The following PRDX4 variants were observed in gnomAD, a reference collection of about 807,000 sequenced individuals.
The protein encoded by PRDX4 is peroxiredoxin 4.
Under a neutral mutation model 20.5 loss-of-function variants are expected in PRDX4, and 12 were observed. The ratio of observed to expected loss-of-function variants is 0.58; its 90% CI spans 0.37 to 0.95. The LOEUF (loss-of-function observed/expected upper bound fraction) is 0.95, where lower values mean the gene tolerates loss of function less well. Ranked by LOEUF, PRDX4 falls within the 40% of genes least tolerant of loss-of-function variation. PRDX4 has a pLI of 0.01. For synonymous variants in PRDX4, 99 were observed against 87.5 expected, an observed-to-expected ratio of 1.13 and a Z score of -0.73; for missense variants, 180 against 207.3, an observed-to-expected ratio of 0.87 and a Z score of 0.81.
chrX:23,671,562 C>T lies in PRDX4; in HGVS notation c.275C>T (p.Ala92Val). The T allele has an allele frequency of 8.3e-7, 1 of 1,208,062 alleles. No individual in the cohort carries two copies. The highest frequency in any genetic ancestry group is 1.8e-5 in the South Asian group (1 of 56,107). Reference protein sequence around the residue: ...SKPAPYWEGTAVIDGEFKELK... With the variant: ...SKPAPYWEGTVVIDGEFKELK... Reference sequence around the variant, plus strand: ...CCAGCGCCCTACTGGGAAGGAACAGCTGTGATCGATGGAGAATTTAAGGAG... The same window carrying T: ...CCAGCGCCCTACTGGGAAGGAACAGTTGTGATCGATGGAGAATTTAAGGAG... The change falls in exon 2 of 7, where the codon GCT becomes GTT. Residue 92 changes from alanine (A) to valine (V), a missense_variant. Coordinates refer to ENST00000379341, the MANE Select transcript of PRDX4 (RefSeq NM_006406.2).
intron 4 of PRDX4, among the ~76,000 whole-genome samples, chrX:23,680,740 A>AT (rs1218448355): frequency 9.2e-6 from 1 of 108,538 alleles, no homozygotes; most frequent in African/African-American, 3.4e-5. Context: ...AAAAAAAAAA[A>AT]AATAATTTTT....
intron 4 of PRDX4, among the ~76,000 whole-genome samples, chrX:23,679,854 C>T (rs1294784235): frequency 1.0e-5 from 1 of 97,699 alleles, no homozygotes; most frequent in South Asian, 4.6e-4. Context: ...TAGTGGCATA[C>T]GCTTGTAGTC....
chrX:23,675,972 T>C (rs1468100025), intron 3 of PRDX4, among the ~76,000 whole-genome samples: 2 of 109,024 alleles, frequency 1.8e-5, no homozygotes, highest in African/African-American at 6.7e-5. Context: ...CTACTAAAAA[T>C]ACAAAATTAG....
At position 23,681,090 on chromosome X, in the gene PRDX4, G is replaced by A. The variant is rs1298944205; in HGVS notation, c.600-1306G>A. Among the ~76,000 whole-genome samples the A allele has an allele frequency of 7.3e-5, 8 of 110,342 alleles. No individual in the cohort carries two copies. In the Admixed American group the frequency reaches 7.7e-4, roughly 11 times the overall value. On this transcript the variant is annotated intron_variant, in intron 4 of 6. Coordinates refer to ENST00000379341, the MANE Select transcript of PRDX4 (RefSeq NM_006406.2). ...TAAAAAAAATAGAAAAAATTAGCCG[G>A]GCGTGGTGGCGGGTGCCTGTAGTCC...
intron 1 of PRDX4, among the ~76,000 whole-genome samples, chrX:23,669,234 T>C (rs1048604264): frequency 1.8e-5 from 2 of 112,314 alleles, no homozygotes; most frequent in African/African-American, 6.5e-5. Flanking sequence ...TACTTTGAGA[T>C]TTTTAACAAA....
chrX:23,672,193 G>A (rs748068532), intron 2 of PRDX4, among the ~76,000 whole-genome samples: 4 of 111,598 alleles, frequency 3.6e-5, no homozygotes, highest in East Asian at 5.6e-4. Flanking sequence ...CCCTGGAGGC[G>A]GAGGTTGCAG....
intron 2 of PRDX4, 54 bp from the exon 3 acceptor site, chrX:23,674,931 AAGTTT>A: frequency 1.7e-6 from 2 of 1,147,781 alleles, no homozygotes; most frequent in South Asian, 4.2e-5. Context: ...TGTCATTTGA[AAGTTT>A]AGGTATATGC....
intron 3 of PRDX4, 21 bp downstream of exon 3, chrX:23,675,127 T>C (rs1927921454): frequency 8.3e-7 from 1 of 1,211,126 alleles, no homozygotes; most frequent in Non-Finnish European, 1.1e-6. Context: ...TACACTTATA[T>C]TCGTAGAAAA....
chrX:23,682,265 G>A (rs865806948), intron 4 of PRDX4, 131 bp from the exon 5 acceptor site: 6 of 242,537 alleles, frequency 2.5e-5, no homozygotes, highest in Non-Finnish European at 3.6e-5. Context: ...GTGTGTGTGT[G>A]TATACCATTG....
chrX:23,686,221 G>C, intron 6 of PRDX4, 64 bp from the exon 7 acceptor site: 1 of 895,879 alleles, frequency 1.1e-6, no homozygotes, highest in Non-Finnish European at 1.6e-6. Context: ...ACTAATGTCA[G>C]ACTACTCATT....
intron 5 of PRDX4, among the ~76,000 whole-genome samples, chrX:23,682,853 A>AAAAAAATATATAT (rs1555933130): frequency 4.0e-4 from 6 of 14,876 alleles, no homozygotes; most frequent in African/African-American, 8.7e-4. Context: ...AAAAAAAAAA[A>AAAAAAATATATAT]ATATATATAT....
At chrX:23,669,849 G>A (rs949962423) in intron 1 of PRDX4, among the ~76,000 whole-genome samples, 4 of 109,365 alleles carry the variant, frequency 3.7e-5, no homozygotes, top group East Asian at 2.8e-4. Context: ...CCCGGGAGGC[G>A]GAAGTTGCAG....
At chrX:23,682,329 G>T (rs1006577937) in intron 4 of PRDX4, 67 bp from the exon 5 acceptor site, 3 of 909,793 alleles carry the variant, frequency 3.3e-6, no homozygotes, top group Non-Finnish European at 4.4e-6. Flanking sequence ...TGTGTGGATG[G>T]TATAGGAATT....
chrX:23,684,352 A>G (rs945293217), intron 6 of PRDX4, among the ~76,000 whole-genome samples: 2 of 111,584 alleles, frequency 1.8e-5, no homozygotes, highest in African/African-American at 6.5e-5. Context: ...ATTGGGACAA[A>G]GAAAACAGTC....
Position 23,682,493 on chromosome X carries a change from C to T in PRDX4, c.697C>T (p.Gln233Ter), listed in dbSNP as rs1213469655. The change falls in exon 5 of 7, where the codon CAA (glutamine) becomes TAA (stop). Residue 233 changes from glutamine (Q) to a stop codon, truncating the protein, a stop_gained. Transcript: ENST00000379341. LOFTEE classifies it high-confidence loss of function. ...AGTGGATGAGACACTACGTTTGGTT[C>T]AAGCATTCCAGTACACTGACAAACA... is the stretch of plus-strand genomic sequence containing the variant. ...RSVDETLRLV[Q>*]AFQYTDKHGE... 8.5e-7 allele frequency: 1 copy of T among 1,179,932 alleles called. No homozygotes were observed. The highest frequency in any genetic ancestry group is 1.1e-6 in the Non-Finnish European group (1 of 876,722).
chrX:23,667,869 G>A (rs1352783886), intron 1 of PRDX4, 58 bp downstream of exon 1: 5 of 1,184,833 alleles, frequency 4.2e-6, no homozygotes, highest in Non-Finnish European at 5.7e-6. Context: ...GTGTACCCCG[G>A]TTACACCCCC....
At chrX:23,679,312 T>C (rs1601792107) in intron 4 of PRDX4, 25 bp downstream of exon 4, 1 of 1,164,363 alleles carries the variant, frequency 8.6e-7, no homozygotes, top group South Asian at 2.0e-5. Flanking sequence ...TTTTATATTA[T>C]GACAAATCCA....
chrX:23,670,337 G>A (rs1207941605), intron 1 of PRDX4, among the ~76,000 whole-genome samples: 1 of 111,630 alleles, frequency 9.0e-6, no homozygotes, highest in Non-Finnish European at 1.9e-5. Flanking sequence ...ATATATAATT[G>A]AATACTCTTC....
chrX:23,678,880 G>A (rs1161641031), intron 3 of PRDX4, among the ~76,000 whole-genome samples: 7 of 110,802 alleles, frequency 6.3e-5, no homozygotes, highest in Non-Finnish European at 1.3e-4. Context: ...TTTAGGCTAC[G>A]CTGAGCTATG....
Sources: allele counts gnomAD v4.1 joint callset (sites outside exome capture counted in the v4.1 genomes callset), GRCh38; gene constraint gnomAD v4.1.1; transcripts MANE v1.5; gene names NCBI Gene and HGNC (gene_info 2026-07-23, HGNC 2026-07-21).